The following CA12 variants were observed in gnomAD, a reference collection of about 807,000 sequenced individuals.
CA12 encodes carbonic anhydrase 12.
Under a neutral mutation model 46.8 loss-of-function variants are expected in CA12, and 36 were observed. The ratio of observed to expected loss-of-function variants is 0.77; its 90% confidence interval spans 0.59 to 1.02. CA12 has a LOEUF of 1.02. Ranked by LOEUF, CA12 falls within the 50% of genes least tolerant of loss-of-function variation. The pLI is 0.00. For missense variants in CA12, 436 were observed against 451.4 expected (o/e 0.97, Z 0.31); for synonymous variants, 202 against 187.0 (o/e 1.08, Z -0.65).
intron 2 of CA12, among the ~76,000 whole-genome samples, chr15:63,359,244 GC>G (rs778423470): frequency 1.2e-3 from 185 of 152,144 alleles, no homozygotes; most frequent in Non-Finnish European, 1.4e-3. Context: ...GGGGACTCAG[GC>G]TAGCAAATCA....
chr15:63,332,252 T>A (rs1216049137), intron 8 of CA12, among the ~76,000 whole-genome samples: 1 of 152,120 alleles, frequency 6.6e-6, no homozygotes, highest in Admixed American at 6.6e-5. Flanking sequence ...CACCACAGAG[T>A]GGAGCCATCT....
rs1049991910 is a variant in CA12, at chr15:63,340,290, G to T, written c.745C>A (p.Gln249Lys). ...GCTGAGTCTGGCACGACAGTTACCT[G>T]CTCCTGGGAAATTTGCACGGGGTTT... ...FRNPVQISQE[Q>K]LLALETALYC... The change falls in exon 7 of 11, where the codon CAG becomes AAG. Residue 249 changes from glutamine (Q) to lysine (K), a missense_variant and splice_region_variant. Gln to Lys is a moderately conservative substitution (Grantham distance 53, BLOSUM62 1). Transcript: ENST00000178638. This position sits in a 1 kb window ranked among gnomAD's most constrained non-coding sequence, Gnocchi z 4.4. 31 of 1,614,060 alleles carry T rather than the reference G, an allele frequency of 1.9e-5. No individual in the cohort carries two copies. The highest frequency in any genetic ancestry group is 2.3e-5 in the Non-Finnish European group (27 of 1,180,042).
At chr15:63,354,301 T>C (rs2039268475) in intron 2 of CA12, among the ~76,000 whole-genome samples, 1 of 152,260 alleles carries the variant, frequency 6.6e-6, no homozygotes, top group Admixed American at 6.5e-5. Flanking sequence ...AGCTCAAAGC[T>C]GGACTTGCCA....
intron 2 of CA12, among the ~76,000 whole-genome samples, chr15:63,364,350 A>AAAAAAC (rs1555431597): frequency 6.7e-6 from 1 of 149,620 alleles, no homozygotes; most frequent in East Asian, 1.9e-4. Context: ...AAAAAAAAAA[A>AAAAAAC]AAAAACAGTG....
chr15:63,360,878 A>G (rs2039353596), intron 2 of CA12, among the ~76,000 whole-genome samples: 2 of 152,218 alleles, frequency 1.3e-5, no homozygotes, highest in South Asian at 4.1e-4. Context: ...CTACCAGCCC[A>G]TTGAAGGTAA....
chr15:63,352,112 G>A (rs28588814), intron 2 of CA12, among the ~76,000 whole-genome samples: 32,083 of 152,132 alleles, frequency 0.21, 4,440 homozygotes, highest in East Asian at 0.63. Flanking sequence ...CTGGAGTGCA[G>A]TGGTGCAATC....
Position 63,325,801 on chromosome 15 carries a change from A to C in CA12, c.*484T>G. On this transcript the variant is annotated 3_prime_UTR_variant, in exon 11 of 11. Transcript: ENST00000178638. The surrounding 1 kb of genome is among the most constrained non-coding windows in gnomAD (Gnocchi z 4.9). ...AGATTAAAGGTTTTGTCATAGCAGA[A>C]GGAAATCAGAGGGAGATGCCCCGTC... 1 of 214,216 alleles carries C rather than the reference A, an allele frequency of 4.7e-6. No homozygotes were observed. Among genetic ancestry groups the C allele is most frequent in the Non-Finnish European group, 9.5e-6 (1 of 104,716 alleles). 13.3% of individuals were successfully genotyped at this position (214,216 alleles called of 1,614,324 possible).
chr15:63,378,615 A>T lies in CA12; in HGVS notation c.86-2937T>A, dbSNP rs1283724969. 1 of 151,848 alleles carries T rather than the reference A, an allele frequency of 6.6e-6. No homozygotes were observed. The highest frequency in any genetic ancestry group is 2.0e-4 in the East Asian group (1 of 4,932). 9.4% of individuals were successfully genotyped at this position (151,848 alleles called of 1,614,324 possible). A position where few individuals can be genotyped will look rare whatever the true frequency, so the allele number is the denominator to read the frequency against. On this transcript the variant is annotated intron_variant, in intron 1 of 10. Coordinates refer to ENST00000178638, the MANE Select transcript of CA12 (RefSeq NM_001218.5). This position sits in a 1 kb window ranked among gnomAD's most constrained non-coding sequence, Gnocchi z 4.8. Reference sequence around the variant, plus strand: ...CTTTGCTGAAACAACAATGAAAAAAAATAAAGAAAGCATTGCTTTCAAACC... The same window carrying T: ...CTTTGCTGAAACAACAATGAAAAAATATAAAGAAAGCATTGCTTTCAAACC...
intron 8 of CA12, among the ~76,000 whole-genome samples, chr15:63,335,276 A>G (rs1268065846): frequency 6.6e-6 from 1 of 152,158 alleles, no homozygotes; most frequent in African/African-American, 2.4e-5. Context: ...CCCCAGGCTA[A>G]GGTGTAGCTG....
intron 4 of CA12, among the ~76,000 whole-genome samples, chr15:63,344,428 T>A (rs1449395872): frequency 3.3e-5 from 5 of 152,392 alleles, no homozygotes; most frequent in African/African-American, 1.2e-4. Flanking sequence ...TCAGACACTT[T>A]TTGGTTTACA....
At chr15:63,338,970 C>T (rs11638022) in intron 7 of CA12, 25 bp from the exon 8 acceptor site, 44,868 of 1,613,794 alleles carry the variant, frequency 0.028, 762 homozygotes, top group Admixed American at 0.049. Context: ...AGAAATAGCC[C>T]GCAGGCAGAA....
At position 63,348,653 on chromosome 15, in the gene CA12, T is replaced by C. The variant is rs540013803; in HGVS notation, c.107-1944A>G. Among the ~76,000 whole-genome samples the C allele has an allele frequency of 2.0e-5, 3 of 152,350 alleles. No homozygotes were observed. Among genetic ancestry groups the C allele is most frequent in the African/African-American group, 7.2e-5 (3 of 41,590 alleles). On this transcript the variant is annotated intron_variant, in intron 2 of 10. Transcript: ENST00000178638. The surrounding 1 kb of genome is among the most constrained non-coding windows in gnomAD (Gnocchi z 4.6). ...GATGCATCATTGAGAAGCTTTCTCT[T>C]TGCACACATGACTAAAGGGAACTGG...
rs1007073685 is a variant in CA12 at position 63,330,418 on chromosome 15, C to T, written c.875-2288G>A. Among the ~76,000 whole-genome samples the T allele has an allele frequency of 6.6e-6, 1 of 152,240 alleles. No individual in the cohort carries two copies. Among genetic ancestry groups the T allele is most frequent in the African/African-American group, 2.4e-5 (1 of 41,466 alleles). On this transcript the variant is annotated intron_variant, in intron 8 of 10. Coordinates refer to ENST00000178638, the MANE Select transcript of CA12 (RefSeq NM_001218.5). This position sits in a 1 kb window ranked among gnomAD's most constrained non-coding sequence, Gnocchi z 4.0. The stretch of plus-strand genomic sequence containing the variant: ...CCAACCCTTTGATGAAATACACTCT[C>T]GTTCTTTGTTCCTGAAGCTCCAGAT...
At chr15:63,380,982 T>G (rs1363610122) in intron 1 of CA12, among the ~76,000 whole-genome samples, 1 of 151,734 alleles carries the variant, frequency 6.6e-6, no homozygotes, top group Admixed American at 6.6e-5. Flanking sequence ...CTTTTGGGAT[T>G]TAGTGTTCTA....
chr15:63,356,333 C>T (rs2039295221), intron 2 of CA12, among the ~76,000 whole-genome samples: 1 of 152,130 alleles, frequency 6.6e-6, no homozygotes, highest in Non-Finnish European at 1.5e-5. Flanking sequence ...ATGGAGGTTG[C>T]CGTAAGCTGA....
chr15:63,380,387 G>C (rs1310832175), intron 1 of CA12, among the ~76,000 whole-genome samples: 1 of 152,128 alleles, frequency 6.6e-6, no homozygotes. Flanking sequence ...AGTGAGAGGA[G>C]CAACCAGCTA....
intron 1 of CA12, among the ~76,000 whole-genome samples, chr15:63,381,023 G>A (rs2039637632): frequency 6.6e-6 from 1 of 151,948 alleles, no homozygotes; most frequent in Non-Finnish European, 1.5e-5. Context: ...GTGTGTGTGT[G>A]TGTGTGTGTG....
rs1250546544 is a variant in CA12, at chr15:63,328,058, C to T, written c.907+40G>A. 1.9e-6 allele frequency: 3 copies of T among 1,600,572 alleles called. No homozygotes were observed. The highest frequency in any genetic ancestry group is 1.7e-5 in the Admixed American group (1 of 59,978). On this transcript the variant is annotated intron_variant, in intron 9 of 10. Transcript: ENST00000178638. This position sits in a 1 kb window ranked among gnomAD's most constrained non-coding sequence, Gnocchi z 5.9. ...ATCACACCAAGAATCACAGTGATCA[C>T]CCAGCTGCAGCATGCACGGCTGGCT...
chr15:63,365,161 T>A (rs1466943900), intron 2 of CA12, among the ~76,000 whole-genome samples: 1 of 152,228 alleles, frequency 6.6e-6, no homozygotes, highest in Admixed American at 6.5e-5. Flanking sequence ...CAACGAACAG[T>A]GTAAAATATT....
Sources: gnomAD v4.1 joint callset for allele counts (sites outside exome capture counted in the v4.1 genomes callset) on GRCh38, gnomAD v4.1.1 for gene constraint, Gnocchi (gnomAD v3.1) non-coding constraint, MANE v1.5 for transcripts, NCBI Gene and HGNC (gene_info 2026-07-23, HGNC 2026-07-21) for gene names.